Variants in CGNL1 observed in about 807,000 individuals in gnomAD.
CGNL1 encodes cingulin-like protein 1.
CGNL1 carries 132 observed loss-of-function variants against 141.2 expected under a neutral mutation model. The observed-to-expected ratio is 0.93, with a 90% CI of 0.81 to 1.08. CGNL1 has a LOEUF of 1.08. Ranked by LOEUF, CGNL1 falls within the 50% of genes least tolerant of loss-of-function variation. The pLI, the probability that CGNL1 is intolerant of heterozygous loss-of-function variation, is 0.00. For synonymous variants in CGNL1, 690 were observed against 622.1 expected (o/e 1.11, Z -1.63); for missense variants, 1,870 against 1,588.6 (o/e 1.18, Z -3.01).
At chr15:57,497,070 G>A (rs1342430558) in intron 8 of CGNL1, among the ~76,000 whole-genome samples, 3 of 152,204 alleles carry the variant, frequency 2.0e-5, no homozygotes, top group African/African-American at 7.2e-5. Context: ...ACGCCCCCGA[G>A]GCCCCACATC....
Position 57,453,820 on chromosome 15 carries a change from T to G in CGNL1, c.2190+2T>G. ...AGGGAGAAGGGAGCTCTGATTGAGG[T>G]AAGCAGGGCTGTGGGGTCAGGTGAT... On this transcript the variant is annotated splice_donor_variant, in intron 7 of 18. Coordinates refer to ENST00000281282, the MANE Select transcript of CGNL1 (RefSeq NM_032866.5). LOFTEE classifies it high-confidence loss of function. 1 of 1,612,966 alleles carries G rather than the reference T, an allele frequency of 6.2e-7. No homozygotes were observed. Among genetic ancestry groups the G allele is most frequent in the Non-Finnish European group, 8.5e-7 (1 of 1,179,806 alleles).
intron 1 of CGNL1, among the ~76,000 whole-genome samples, chr15:57,420,537 A>G (rs984375916): frequency 6.6e-6 from 1 of 152,210 alleles, no homozygotes; most frequent in Non-Finnish European, 1.5e-5. Context: ...TAATTGTTCA[A>G]TTCCACTATA....
chr15:57,493,420 A>T (rs2063894201), intron 8 of CGNL1, among the ~76,000 whole-genome samples: 1 of 152,150 alleles, frequency 6.6e-6, no homozygotes, highest in South Asian at 2.1e-4. Context: ...TGACATAAAG[A>T]CACAGAAAGC....
intron 1 of CGNL1, among the ~76,000 whole-genome samples, chr15:57,435,084 G>A (rs1032721124): frequency 3.9e-5 from 6 of 152,150 alleles, no homozygotes; most frequent in African/African-American, 1.4e-4. Flanking sequence ...CAGATGTAAT[G>A]TAGTTGAGGG....
chr15:57,487,387 G>T (rs993976652), intron 8 of CGNL1, among the ~76,000 whole-genome samples: 1 of 152,074 alleles, frequency 6.6e-6, no homozygotes, highest in Non-Finnish European at 1.5e-5. Context: ...AAAAGAGGAG[G>T]ATTGGTTTAT....
In CGNL1 at chr15:57,524,760, T is replaced by G; in HGVS notation, c.3039+9T>G. The G allele has an allele frequency of 6.2e-7, 1 of 1,613,344 alleles. No individual in the cohort carries two copies. Among genetic ancestry groups the G allele is most frequent in the Non-Finnish European group, 8.5e-7 (1 of 1,179,610 alleles). ...TGAAAATGCAGGATGAGGTAATGCC[T>G]GGCCAGATAAGTTCTTCCTTTATCC... On this transcript the variant is annotated intron_variant, in intron 12 of 18. Transcript: ENST00000281282.
Position 57,439,245 on chromosome 15 carries a change from G to C in CGNL1, c.1246G>C (p.Glu416Gln), listed in dbSNP as rs151097746. 1.2e-4 allele frequency: 198 copies of C among 1,614,108 alleles called. No homozygotes were observed. The East Asian group carries it at 3.9e-3, about 32-fold the overall frequency. ...CAGTAGGAACTTGGGCAAGTCAAGC[G>C]AACACCTCCTCCGGCCTTCCCAGGT... The part of the protein sequence containing the change: ...EFSRNLGKSS[E>Q]HLLRPSQVCP... The change falls in exon 2 of 19, where the codon GAA becomes CAA. Residue 416 changes from glutamate to glutamine, a missense_variant. Physicochemically the swap from Glu to Gln is conservative, Grantham distance 29. Transcript: ENST00000281282.
chr15:57,491,512 A>G (rs922791646), intron 8 of CGNL1, among the ~76,000 whole-genome samples: 1 of 152,158 alleles, frequency 6.6e-6, no homozygotes, highest in Non-Finnish European at 1.5e-5. Context: ...GGCACACAAG[A>G]CGCACTCACA....
chr15:57,389,811 T>C (rs1700834172), intron 1 of CGNL1, among the ~76,000 whole-genome samples: 1 of 151,778 alleles, frequency 6.6e-6, no homozygotes. Flanking sequence ...CAGATCTCAG[T>C]TTTTTGTTTT....
chr15:57,465,459 C>G (rs1358546268), intron 8 of CGNL1, among the ~76,000 whole-genome samples: 1 of 138,430 alleles, frequency 7.2e-6, no homozygotes, highest in African/African-American at 2.7e-5. Flanking sequence ...AAAATGATCT[C>G]GTCTCATTGC....
At chr15:57,400,543 G>T (rs781710661) in intron 1 of CGNL1, among the ~76,000 whole-genome samples, 5 of 152,132 alleles carry the variant, frequency 3.3e-5, no homozygotes, top group Admixed American at 6.5e-5. Flanking sequence ...GATGCTCAAA[G>T]CCCATTTGAG....
chr15:57,524,303 T>C (rs1040650370), intron 11 of CGNL1, among the ~76,000 whole-genome samples: 1 of 152,198 alleles, frequency 6.6e-6, no homozygotes, highest in Non-Finnish European at 1.5e-5. Context: ...CCAGAGAGGT[T>C]AACGACGTGC....
At chr15:57,425,393 A>G (rs1488791973) in intron 1 of CGNL1, among the ~76,000 whole-genome samples, 1 of 152,160 alleles carries the variant, frequency 6.6e-6, no homozygotes, top group African/African-American at 2.4e-5. Context: ...AAATAAAAAG[A>G]CGCTGAGTGG....
intron 14 of CGNL1, among the ~76,000 whole-genome samples, chr15:57,538,020 G>A (rs183346151): frequency 4.0e-5 from 6 of 150,494 alleles, no homozygotes; most frequent in African/African-American, 9.7e-5. Context: ...GCCACCCCCC[G>A]CCCCAGGGCA....
intron 8 of CGNL1, among the ~76,000 whole-genome samples, chr15:57,497,756 T>C (rs1349551729): frequency 6.6e-6 from 1 of 152,200 alleles, no homozygotes; most frequent in African/African-American, 2.4e-5. Context: ...GAGCTGAGCA[T>C]GTATGCTGTG....
chr15:57,475,525 GTGTGTGTGTGTTTTC>G (rs1228801360), intron 8 of CGNL1, among the ~76,000 whole-genome samples: 1 of 117,370 alleles, frequency 8.5e-6, no homozygotes, highest in Non-Finnish European at 1.8e-5. Flanking sequence ...GTGTGTGTGT[GTGTGTGTGTGTTTTC>G]TTTTCTTCTC....
chr15:57,536,318 A>C (rs1908187), intron 14 of CGNL1, among the ~76,000 whole-genome samples: 32 of 152,040 alleles, frequency 2.1e-4, no homozygotes, highest in Non-Finnish European at 4.1e-4. Flanking sequence ...GTGAGGACAC[A>C]GCCAAACCAT....
intron 6 of CGNL1, among the ~76,000 whole-genome samples, chr15:57,453,138 G>A (rs1194725501): frequency 6.6e-6 from 1 of 152,076 alleles, no homozygotes; most frequent in Non-Finnish European, 1.5e-5. Flanking sequence ...ATTATTTTAG[G>A]GTTTGTGGGT....
intron 8 of CGNL1, among the ~76,000 whole-genome samples, chr15:57,514,685 C>G (rs1299385507): frequency 1.3e-5 from 2 of 152,160 alleles, no homozygotes; most frequent in East Asian, 1.9e-4. Flanking sequence ...TTGCCTAACC[C>G]AAGGTCACAA....
Sources: gnomAD v4.1 joint callset for allele counts (sites outside exome capture counted in the v4.1 genomes callset) on GRCh38, gnomAD v4.1.1 for gene constraint, MANE v1.5 for transcripts, NCBI Gene and HGNC (gene_info 2026-07-23, HGNC 2026-07-21) for gene names.